The following RORA variants were observed in gnomAD, a reference collection of about 807,000 sequenced individuals.
RORA encodes the protein RAR related orphan receptor A.
A neutral mutation model predicts 69.5 loss-of-function variants in RORA; 7 were observed. The observed-to-expected ratio is 0.10, with a 90% CI of 0.06 to 0.19. The LOEUF (loss-of-function observed/expected upper bound fraction) is 0.19, where lower values mean the gene tolerates loss of function less well. Ranked by LOEUF, RORA falls within the 10% of genes least tolerant of loss-of-function variation. The probability of loss-of-function intolerance (pLI) is 1.00; values close to 1 mark genes in which losing one functional copy is unlikely to be tolerated. For missense variants in RORA, 457 were observed against 663.0 expected, an observed-to-expected ratio of 0.69 and a Z score of 3.41; for synonymous variants, 261 against 240.8, an observed-to-expected ratio of 1.08 and a Z score of -0.78.
chr15:61,010,650 C>T (rs1056165318), intron 1 of RORA, among the ~76,000 whole-genome samples: 2 of 152,174 alleles, frequency 1.3e-5, no homozygotes, highest in African/African-American at 4.8e-5. Context: ...TGTGCCCTCT[C>T]TTCAATATTT....
At chr15:61,185,002 A>G (rs1252984836) in intron 1 of RORA, among the ~76,000 whole-genome samples, 74 of 150,896 alleles carry the variant, frequency 4.9e-4, no homozygotes, top group East Asian at 7.8e-4. Context: ...AAAAAAAAAA[A>G]AAGAAGAAGA....
intron 1 of RORA, among the ~76,000 whole-genome samples, chr15:60,747,745 T>A (rs1567177100): frequency 6.6e-6 from 1 of 152,132 alleles, no homozygotes; most frequent in Non-Finnish European, 1.5e-5. Flanking sequence ...CAGGCCATGG[T>A]AAGCTCTCAG....
chr15:60,979,579 T>C (rs139533386), intron 1 of RORA, among the ~76,000 whole-genome samples: 1 of 152,308 alleles, frequency 6.6e-6, no homozygotes, highest in East Asian at 1.9e-4. Flanking sequence ...TATTTTATAA[T>C]TTTTGATGCC....
intron 1 of RORA, among the ~76,000 whole-genome samples, chr15:61,020,476 T>C (rs11071582): frequency 0.98 from 149,083 of 152,326 alleles, 73,044 homozygotes; most frequent in Middle Eastern, 1. Flanking sequence ...TCAGGCCCAA[T>C]ATTCACATCT....
At chr15:61,105,303 G>A (rs2140764130) in intron 1 of RORA, among the ~76,000 whole-genome samples, 1 of 152,290 alleles carries the variant, frequency 6.6e-6, no homozygotes, top group Admixed American at 6.5e-5. Flanking sequence ...AAAGTTTCAT[G>A]AGAGCAGGAA....
chr15:60,502,928 C>A (rs1046429867), intron 7 of RORA, 61 bp from the exon 8 acceptor site: 8 of 1,085,288 alleles, frequency 7.4e-6, no homozygotes, highest in Non-Finnish European at 1.1e-5. Context: ...GAGTTTGTTT[C>A]TAAGCTGCTC....
In RORA at chr15:60,668,641, G is replaced by A. The variant is rs568163316; in HGVS notation, c.196+10016C>T. ...ATCCTGTCTACTAACAGCAGAGACT[G>A]GTAACAATCAATTATCCCGACGCCC... On this transcript the variant is annotated intron_variant, in intron 2 of 10. Transcript: ENST00000335670. Among the ~76,000 whole-genome samples the A allele has an allele frequency of 1.3e-4, 20 of 152,184 alleles. No homozygotes were observed. The South Asian group carries it at 1.7e-3, about 13-fold the overall frequency.
chr15:60,815,383 T>G (rs555020990), intron 1 of RORA, among the ~76,000 whole-genome samples: 1 of 152,246 alleles, frequency 6.6e-6, no homozygotes, highest in African/African-American at 2.4e-5. Flanking sequence ...TTGTCTTACA[T>G]TTCAAAACTA....
In RORA at chr15:60,585,466, T is replaced by G. The variant is rs1425628093; in HGVS notation, c.197-53615A>C. On this transcript the variant is annotated intron_variant, in intron 2 of 10. Coordinates refer to ENST00000335670, the MANE Select transcript of RORA (RefSeq NM_134261.3). ...TTTTTTCATCCATGTTTAAAATTGT[T>G]TTATTACCCCCCAAAAGCTACTGTA... Among the ~76,000 whole-genome samples the G allele has an allele frequency of 3.3e-5, 5 of 152,178 alleles. 1 individual carries two copies. The highest frequency in any genetic ancestry group is 9.7e-5 in the African/African-American group (4 of 41,440).
chr15:60,955,613 A>G (rs986506287), intron 1 of RORA, among the ~76,000 whole-genome samples: 17 of 152,234 alleles, frequency 1.1e-4, no homozygotes, highest in African/African-American at 4.1e-4. Context: ...AAGAACTCAC[A>G]TTTATACAGT....
At chr15:61,004,950 G>T (rs993071983) in intron 1 of RORA, among the ~76,000 whole-genome samples, 5 of 152,202 alleles carry the variant, frequency 3.3e-5, no homozygotes, top group Non-Finnish European at 7.4e-5. Context: ...TCTATTCAAA[G>T]TTGGAATAGA....
At chr15:60,791,067 T>A (rs2072409780) in intron 1 of RORA, among the ~76,000 whole-genome samples, 1 of 152,080 alleles carries the variant, frequency 6.6e-6, no homozygotes, top group South Asian at 2.1e-4. Context: ...ATGCAATAGA[T>A]GCTTTGGTAT....
At chr15:60,979,289 TTTC>T in intron 1 of RORA, among the ~76,000 whole-genome samples, 1 of 134,416 alleles carries the variant, frequency 7.4e-6, no homozygotes, top group Non-Finnish European at 1.5e-5. Context: ...TTTTTTTTTT[TTTC>T]CAAGAATATT....
rs112420809 is a variant in RORA, at chr15:60,744,248, T to C, written c.167-65562A>G. Among the ~76,000 whole-genome samples, 181 of 152,358 alleles carry C rather than the reference T, an allele frequency of 1.2e-3. 1 individual carries two copies. Among genetic ancestry groups the C allele is most frequent in the African/African-American group, 4.1e-3 (172 of 41,590 alleles). Reference sequence around the variant, plus strand: ...TTTCTGAAAGACTGTAATAAAGATATACGTTGCTTTTAAATTATTTTTGAA... The same window carrying C: ...TTTCTGAAAGACTGTAATAAAGATACACGTTGCTTTTAAATTATTTTTGAA... On this transcript the variant is annotated intron_variant, in intron 1 of 10. Coordinates refer to ENST00000335670, the MANE Select transcript of RORA (RefSeq NM_134261.3).
At chr15:60,698,014 C>T (rs2070929796) in intron 1 of RORA, among the ~76,000 whole-genome samples, 1 of 152,188 alleles carries the variant, frequency 6.6e-6, no homozygotes, top group Admixed American at 6.5e-5. Flanking sequence ...TGCCATGCTA[C>T]ACTTAAAGCA....
intron 1 of RORA, among the ~76,000 whole-genome samples, chr15:60,847,384 C>A (rs1201801866): frequency 3.9e-5 from 6 of 151,962 alleles, no homozygotes; most frequent in Non-Finnish European, 7.4e-5. Context: ...CACATCCTTT[C>A]TAGAATCTCC....
At chr15:61,012,982 A>G (rs184486378) in intron 1 of RORA, among the ~76,000 whole-genome samples, 2 of 152,244 alleles carry the variant, frequency 1.3e-5, no homozygotes, top group Admixed American at 6.5e-5. Flanking sequence ...TCTGCTCCCA[A>G]TTTTAATTAC....
chr15:61,057,137 C>G (rs776144039), intron 1 of RORA, among the ~76,000 whole-genome samples: 1 of 152,182 alleles, frequency 6.6e-6, no homozygotes, highest in Non-Finnish European at 1.5e-5. Context: ...TGCCAGGTCT[C>G]CTTAGACTCG....
intron 1 of RORA, among the ~76,000 whole-genome samples, chr15:61,069,385 C>A (rs2078308529): frequency 6.6e-6 from 1 of 151,992 alleles, no homozygotes; most frequent in African/African-American, 2.4e-5. Context: ...GCTATGCCAT[C>A]CCAAAGGAGA....
Sources: allele counts gnomAD v4.1 joint callset (sites outside exome capture counted in the v4.1 genomes callset), GRCh38; gene constraint gnomAD v4.1.1; transcripts MANE v1.5; gene names NCBI Gene and HGNC (gene_info 2026-07-23, HGNC 2026-07-21).